CALD1: variants seen among roughly 807,000 people sequenced by gnomAD.
CALD1 encodes the protein caldesmon.
In CALD1, 33 loss-of-function variants were observed where a neutral mutation model predicts 99.9. The ratio of observed to expected loss-of-function variants is 0.33; its 90% CI spans 0.25 to 0.44. The LOEUF is 0.44. Ranked by LOEUF, CALD1 falls within the 20% of genes least tolerant of loss-of-function variation. CALD1 has a pLI of 1.00. For synonymous variants in CALD1, 310 were observed against 325.0 expected (o/e 0.95, Z 0.50); for missense variants, 861 against 962.1 (o/e 0.89, Z 1.39).
intron 3 of CALD1, among the ~76,000 whole-genome samples, chr7:134,918,302 A>C (rs1008295262): frequency 3.3e-5 from 5 of 152,256 alleles, no homozygotes; most frequent in African/African-American, 4.8e-5. Context: ...AAAGAAGTTA[A>C]ACATCTATCC....
intron 2 of CALD1, among the ~76,000 whole-genome samples, chr7:134,847,054 T>C (rs573480919): frequency 1.3e-5 from 2 of 152,326 alleles, no homozygotes; most frequent in South Asian, 4.1e-4. Context: ...TTCAGTCAGC[T>C]CGTGGGCTTG....
At chr7:134,883,404 T>C (rs1391840691) in intron 3 of CALD1, among the ~76,000 whole-genome samples, 1 of 152,206 alleles carries the variant, frequency 6.6e-6, no homozygotes, top group Admixed American at 6.5e-5. Flanking sequence ...GTCTTCATAA[T>C]GTGTTAACAT....
chr7:134,745,045 C>T (rs1796623280), intron 1 of CALD1, among the ~76,000 whole-genome samples: 1 of 152,144 alleles, frequency 6.6e-6, no homozygotes, highest in African/African-American at 2.4e-5. Context: ...CACTTTGTAC[C>T]TCCACATGGA....
chr7:134,908,002 T>C (rs1803528177), intron 3 of CALD1, among the ~76,000 whole-genome samples: 1 of 152,240 alleles, frequency 6.6e-6, no homozygotes, highest in Admixed American at 6.5e-5. Flanking sequence ...TTTTTCAGTT[T>C]GAATTCTGTA....
At chr7:134,893,457 G>A (rs528321067) in intron 3 of CALD1, among the ~76,000 whole-genome samples, 1 of 152,324 alleles carries the variant, frequency 6.6e-6, no homozygotes, top group East Asian at 1.9e-4. Context: ...CTGCAGAAAT[G>A]ACAAAAGAAA....
chr7:134,968,589 G>A lies in CALD1; in HGVS notation c.*244G>A. 1.5e-6 allele frequency: 1 copy of A among 688,704 alleles called. No homozygotes were observed. Among genetic ancestry groups the A allele is most frequent in the Non-Finnish European group, 2.7e-6 (1 of 375,780 alleles). 42.7% of individuals were successfully genotyped at this position (688,704 alleles called of 1,614,324 possible). A position where few individuals can be genotyped will look rare whatever the true frequency, so the allele number is the denominator to read the frequency against. On this transcript the variant is annotated 3_prime_UTR_variant, in exon 15 of 15. Coordinates refer to ENST00000361675, the MANE Select transcript of CALD1 (RefSeq NM_033138.4). ...CTAAAGAAACCCATGCTGTGAAATA[G>A]AGACTTTTCTACTGATCATCATAAC...
At chr7:134,766,099 A>T (rs1395201491) in intron 1 of CALD1, among the ~76,000 whole-genome samples, 1 of 150,752 alleles carries the variant, frequency 6.6e-6, no homozygotes, top group Non-Finnish European at 1.5e-5. Context: ...TGCTTCCTAT[A>T]AAGCCTGCAG....
intron 3 of CALD1, among the ~76,000 whole-genome samples, chr7:134,926,833 C>A (rs1177445322): frequency 1.3e-5 from 2 of 152,010 alleles, no homozygotes; most frequent in Non-Finnish European, 2.9e-5. Flanking sequence ...AACATTGTAC[C>A]TATAGTTAAC....
chr7:134,959,643 C>T (rs187564143), intron 11 of CALD1, among the ~76,000 whole-genome samples: 58 of 152,068 alleles, frequency 3.8e-4, no homozygotes, highest in South Asian at 8.3e-4. Context: ...GCACTCCAGC[C>T]TGGGTGACAG....
chr7:134,938,976 C>T (rs985375545), intron 6 of CALD1, among the ~76,000 whole-genome samples: 11 of 152,160 alleles, frequency 7.2e-5, no homozygotes, highest in Non-Finnish European at 7.3e-5. Flanking sequence ...TGTCTCCATG[C>T]GTAGTGCTCC....
chr7:134,895,579 C>A (rs1802516580), intron 3 of CALD1, among the ~76,000 whole-genome samples: 1 of 152,026 alleles, frequency 6.6e-6, no homozygotes, highest in African/African-American at 2.4e-5. Context: ...AATGCATCTG[C>A]CTGTCATGGT....
At chr7:134,864,711 A>T (rs2132302729) in intron 2 of CALD1, among the ~76,000 whole-genome samples, 1 of 152,280 alleles carries the variant, frequency 6.6e-6, no homozygotes, top group Non-Finnish European at 1.5e-5. Flanking sequence ...GAAACCTTTA[A>T]CACTGACTTA....
chr7:134,891,037 A>G (rs1802136300), intron 3 of CALD1, among the ~76,000 whole-genome samples: 1 of 152,208 alleles, frequency 6.6e-6, no homozygotes, highest in Non-Finnish European at 1.5e-5. Flanking sequence ...CAGAGCTCAG[A>G]ATGGGAGCCT....
intron 1 of CALD1, among the ~76,000 whole-genome samples, chr7:134,791,395 A>T (rs1797527498): frequency 6.6e-6 from 1 of 152,098 alleles, no homozygotes; most frequent in Non-Finnish European, 1.5e-5. Flanking sequence ...ACGGGGTTTC[A>T]CTATGTTGGC....
intron 3 of CALD1, among the ~76,000 whole-genome samples, chr7:134,903,228 A>G (rs545605649): frequency 6.6e-6 from 1 of 152,238 alleles, no homozygotes; most frequent in East Asian, 1.9e-4. Context: ...TTGGTATGAC[A>G]CTACATTTGT....
chr7:134,963,483 G>A (rs1808434288), intron 13 of CALD1, among the ~76,000 whole-genome samples: 1 of 152,182 alleles, frequency 6.6e-6, no homozygotes, highest in Non-Finnish European at 1.5e-5. Context: ...GTGTCCACGG[G>A]TAAATGCAAT....
At chr7:134,868,762 C>A (rs7802104) in intron 3 of CALD1, among the ~76,000 whole-genome samples, 131,348 of 152,266 alleles carry the variant, frequency 0.86, 57,111 homozygotes, top group East Asian at 0.99. Flanking sequence ...CATTCATGAA[C>A]TGACTAAACA....
intron 6 of CALD1, among the ~76,000 whole-genome samples, chr7:134,940,207 T>C (rs1488552275): frequency 6.6e-6 from 1 of 152,202 alleles, no homozygotes; most frequent in Non-Finnish European, 1.5e-5. Flanking sequence ...ATGGATGAGA[T>C]GATATAAGTG....
Position 134,953,656 on chromosome 7 carries a change from G to T in CALD1, c.1935+3142G>T, listed in dbSNP as rs1186239869. On this transcript the variant is annotated intron_variant, in intron 9 of 14. Coordinates refer to ENST00000361675, the MANE Select transcript of CALD1 (RefSeq NM_033138.4). ...ATCTAGACTTCCAAATTCTACTGTG[G>T]TTTTTTTTTTTTGTTTTTTTTTTTC... Among the ~76,000 whole-genome samples the T allele has an allele frequency of 9.3e-5, 11 of 117,978 alleles. 1 individual carries two copies. The highest frequency in any genetic ancestry group is 1.8e-4 in the Admixed American group (2 of 11,362). 77.4% of individuals were successfully genotyped at this position (117,978 alleles called of 152,430 possible).
Sources: gnomAD v4.1 joint callset for allele counts (sites outside exome capture counted in the v4.1 genomes callset) on GRCh38, gnomAD v4.1.1 for gene constraint, MANE v1.5 for transcripts, NCBI Gene and HGNC (gene_info 2026-07-23, HGNC 2026-07-21) for gene names.